CRTAC1: variants seen among roughly 807,000 people sequenced by gnomAD.
CRTAC1 encodes the protein acidic secreted protein in cartilage.
A neutral mutation model predicts 67.8 loss-of-function variants in CRTAC1; 37 were observed. The observed-to-expected ratio is 0.55, with a 90% CI of 0.42 to 0.72. The LOEUF is 0.72. Ranked by LOEUF, CRTAC1 falls within the 30% of genes least tolerant of loss-of-function variation. The pLI, the probability that CRTAC1 is intolerant of heterozygous loss-of-function variation, is 0.00. For missense variants in CRTAC1, 780 were observed against 931.6 expected (o/e 0.84, Z 2.12); for synonymous variants, 348 against 371.0 (o/e 0.94, Z 0.71).
chr10:97,956,516 C>T (rs185695831), intron 2 of CRTAC1, among the ~76,000 whole-genome samples: 101 of 152,060 alleles, frequency 6.6e-4, no homozygotes, highest in African/African-American at 1.8e-3. Context: ...TGGAAAGGAT[C>T]TTATCCTTCT....
rs1843301659 is a variant in CRTAC1, at chr10:98,029,075, C to T, written c.24+1374G>A. On this transcript the variant is annotated intron_variant, in intron 1 of 14. Transcript: ENST00000370597. This position sits in a 1 kb window ranked among gnomAD's most constrained non-coding sequence, Gnocchi z 4.7. Reference sequence around the variant, plus strand: ...CCTACTGCCAGAAGGATGTTCTTAACCAAGTCAGAGAGAGAGAGAGAACAT... The same window carrying T: ...CCTACTGCCAGAAGGATGTTCTTAATCAAGTCAGAGAGAGAGAGAGAACAT... 6.6e-6 allele frequency among the ~76,000 whole-genome samples: 1 copy of T among 152,202 alleles called. No individual in the cohort carries two copies. The highest frequency in any genetic ancestry group is 1.5e-5 in the Non-Finnish European group (1 of 68,044).
At chr10:97,922,293 GAAAT>G (rs957620907) in intron 4 of CRTAC1, among the ~76,000 whole-genome samples, 3 of 152,182 alleles carry the variant, frequency 2.0e-5, no homozygotes, top group African/African-American at 7.2e-5. Context: ...AGCTTGTTAA[GAAAT>G]AAATATTTAT....
chr10:97,978,529 G>T (rs774784031), intron 2 of CRTAC1, among the ~76,000 whole-genome samples: 6 of 152,156 alleles, frequency 3.9e-5, no homozygotes, highest in Non-Finnish European at 7.3e-5. Flanking sequence ...CTTGCTCTCT[G>T]TTCTTCCCAT....
chr10:97,968,993 C>G (rs1273553918), intron 2 of CRTAC1, among the ~76,000 whole-genome samples: 5 of 152,210 alleles, frequency 3.3e-5, no homozygotes. Flanking sequence ...TGGAGCTCTG[C>G]TGGTGGTCTT....
intron 3 of CRTAC1, among the ~76,000 whole-genome samples, chr10:97,930,277 T>C (rs2050984703): frequency 1.3e-5 from 2 of 152,246 alleles, no homozygotes; most frequent in Non-Finnish European, 2.9e-5. Flanking sequence ...AGCTTGTTCC[T>C]TGTTAGGACC....
intron 5 of CRTAC1, among the ~76,000 whole-genome samples, chr10:97,916,939 G>A (rs2050766893): frequency 1.3e-5 from 2 of 150,966 alleles, no homozygotes. Context: ...CCAGAAAGAT[G>A]AGGGGAGAGC....
intron 3 of CRTAC1, among the ~76,000 whole-genome samples, chr10:97,934,629 T>C (rs940990591): frequency 3.3e-5 from 5 of 152,036 alleles, no homozygotes; most frequent in African/African-American, 9.7e-5. Context: ...TGTATATGTG[T>C]CAGGGTGGGG....
At chr10:97,984,315 C>G (rs2051945868) in intron 2 of CRTAC1, among the ~76,000 whole-genome samples, 1 of 152,164 alleles carries the variant, frequency 6.6e-6, no homozygotes, top group African/African-American at 2.4e-5. Context: ...AAATGAGTGT[C>G]CCTCCCCCAT....
chr10:97,917,422 A>G, intron 5 of CRTAC1, 78 bp downstream of exon 5: 1 of 1,239,348 alleles, frequency 8.1e-7, no homozygotes, highest in Non-Finnish European at 1.1e-6. Flanking sequence ...TCTCTGATGA[A>G]TTAGACTCAG....
At chr10:97,889,611 T>C (rs1460932900) in intron 11 of CRTAC1, among the ~76,000 whole-genome samples, 3 of 152,004 alleles carry the variant, frequency 2.0e-5, no homozygotes, top group Non-Finnish European at 4.4e-5. Flanking sequence ...AGGGCCTGCG[T>C]CCTCTGGGTG....
intron 3 of CRTAC1, among the ~76,000 whole-genome samples, chr10:97,925,992 C>T (rs1168072812): frequency 6.6e-6 from 1 of 152,142 alleles, no homozygotes; most frequent in East Asian, 1.9e-4. Flanking sequence ...TCTGTGAGGT[C>T]TGGAGTTGGC....
chr10:98,008,679 G>A (rs1467217555), intron 2 of CRTAC1, among the ~76,000 whole-genome samples: 1 of 152,160 alleles, frequency 6.6e-6, no homozygotes, highest in Non-Finnish European at 1.5e-5. Flanking sequence ...AAAATAGGGT[G>A]AAGACACTTT....
intron 14 of CRTAC1, chr10:97,869,385 A>G (rs979349813): frequency 6.6e-6 from 1 of 152,408 alleles, no homozygotes; most frequent in Non-Finnish European, 1.5e-5. Flanking sequence ...GGCTGTAGCC[A>G]TGTCCCTGCA....
chr10:97,874,025 C>G (rs1175108209), intron 14 of CRTAC1, among the ~76,000 whole-genome samples: 1 of 152,206 alleles, frequency 6.6e-6, no homozygotes, highest in Non-Finnish European at 1.5e-5. Flanking sequence ...TCTCTTATTC[C>G]TGATCTTGTT....
intron 1 of CRTAC1, among the ~76,000 whole-genome samples, chr10:98,012,433 T>C (rs565108): frequency 0.53 from 80,420 of 151,942 alleles, 21,987 homozygotes; most frequent in African/African-American, 0.61. Flanking sequence ...TGGAAGGAGG[T>C]CCACAAAGGC....
chr10:98,024,746 CTTTTTTTTTTTTT>C lies in CRTAC1; in HGVS notation c.24+5690_24+5702del, dbSNP rs749919406. Among the ~76,000 whole-genome samples the C allele has an allele frequency of 2.0e-4, 13 of 65,052 alleles. 1 individual carries two copies. The South Asian group carries it at 3.6e-3, about 18-fold the overall frequency. 42.7% of individuals were successfully genotyped at this position (65,052 alleles called of 152,430 possible). On this transcript the variant is annotated intron_variant, in intron 1 of 14. Coordinates refer to ENST00000370597, the MANE Select transcript of CRTAC1 (RefSeq NM_018058.7). ...CTCTAAAGAGAATGATTATATTATC[CTTTTTTTTTTTTT>C]TTTTTTTTTTTTTTTGCTCTAAGAC... is the stretch of plus-strand genomic sequence containing the variant.
intron 1 of CRTAC1, among the ~76,000 whole-genome samples, chr10:98,026,661 A>G (rs891747562): frequency 1.3e-5 from 2 of 152,036 alleles, no homozygotes; most frequent in Non-Finnish European, 2.9e-5. Flanking sequence ...TGAAGCTCCA[A>G]CTTCATCTTC....
At chr10:97,878,441 T>A (rs3793696) in intron 14 of CRTAC1, 5 of 354,510 alleles carry the variant, frequency 1.4e-5, no homozygotes, top group Non-Finnish European at 2.3e-5. Context: ...TATCAGAAAA[T>A]GGCAGGGGCT....
At chr10:97,893,246 C>T (rs1009617397) in intron 11 of CRTAC1, among the ~76,000 whole-genome samples, 1 of 151,088 alleles carries the variant, frequency 6.6e-6, no homozygotes, top group African/African-American at 2.4e-5. Context: ...TTTTGCATTG[C>T]CTTTCAGTTT....
Sources: gnomAD v4.1 joint callset for allele counts (sites outside exome capture counted in the v4.1 genomes callset) on GRCh38, gnomAD v4.1.1 for gene constraint, Gnocchi (gnomAD v3.1) non-coding constraint, MANE v1.5 for transcripts, NCBI Gene and HGNC (gene_info 2026-07-23, HGNC 2026-07-21) for gene names.